Variants in KANK1 observed in about 807,000 individuals in gnomAD.
KANK1 encodes KN motif and ankyrin repeat domain-containing protein 1.
Under a neutral mutation model 106.2 loss-of-function variants are expected in KANK1, and 109 were observed. The observed-to-expected ratio is 1.03, with a 90% CI of 0.88 to 1.20. The LOEUF (loss-of-function observed/expected upper bound fraction) is 1.20. KANK1 is among the 50% of genes most tolerant of loss of function. KANK1 has a pLI of 0.00. For missense variants in KANK1, 2,399 were observed against 1,710.7 expected (o/e 1.40, Z -7.10); for synonymous variants, 873 against 652.2 (o/e 1.34, Z -5.16).
At chr9:606,873 A>T (rs2136021337) in intron 1 of KANK1, among the ~76,000 whole-genome samples, 1 of 151,752 alleles carries the variant, frequency 6.6e-6, no homozygotes, top group South Asian at 2.1e-4. Flanking sequence ...AGAAAGGAAA[A>T]ACAAAGTCCC....
chr9:734,744 T>C lies in KANK1; in HGVS notation c.3246-4T>C. 1 of 1,591,462 alleles carries C rather than the reference T, an allele frequency of 6.3e-7. No individual in the cohort carries two copies. Among genetic ancestry groups the C allele is most frequent in the East Asian group, 2.2e-5 (1 of 44,804 alleles). On this transcript the variant is annotated splice_region_variant and splice_polypyrimidine_tract_variant and intron_variant, in intron 6 of 11. Coordinates refer to ENST00000382297, the MANE Select transcript of KANK1 (RefSeq NM_015158.5). ...CAATCGTAACTTGTTTTTTCTCCTT[T>C]CAGGTATGAATTAAGTGAAAAGATG...
At chr9:736,756 G>C (rs1224447275) in intron 7 of KANK1, among the ~76,000 whole-genome samples, 2 of 151,944 alleles carry the variant, frequency 1.3e-5, no homozygotes, top group Non-Finnish European at 2.9e-5. Context: ...GAAATTCTTG[G>C]ATTTGTATTC....
chr9:480,597 G>T (rs1192629000), intron 3 of KANK1, among the ~76,000 whole-genome samples: 1 of 152,252 alleles, frequency 6.6e-6, no homozygotes, highest in African/African-American at 2.4e-5. Context: ...AATGCAGTTA[G>T]TATGTAGCAG....
At position 608,030 on chromosome 9, in the gene KANK1, TA is replaced by T. The variant is rs372451124; in HGVS notation, c.-83-68859del. ...CTTTCAGAATTATTATTATTATTAT[TA>T]TTATTTTTTTTTTTTTTGAGACGGA... On this transcript the variant is annotated intron_variant, in intron 1 of 11. Transcript: ENST00000382297. Among the ~76,000 whole-genome samples, 439 of 71,496 alleles carry T rather than the reference TA, an allele frequency of 6.1e-3. 4 individuals are homozygous for T. The highest frequency in any genetic ancestry group is 9.5e-3 in the African/African-American group (173 of 18,240). 46.9% of individuals were successfully genotyped at this position (71,496 alleles called of 152,430 possible). A position where few individuals can be genotyped will look rare whatever the true frequency, so the allele number is the denominator to read the frequency against.
rs1208868520 is a variant in KANK1 at position 599,024 on chromosome 9, T to C, written c.-83-77866T>C. 4.5e-4 allele frequency among the ~76,000 whole-genome samples: 68 copies of C among 149,482 alleles called. 1 individual carries two copies. The highest frequency in any genetic ancestry group is 1.5e-3 in the African/African-American group (62 of 40,500). ...TGATTTGTATTTATTATTATTATTT[T>C]TTTTTTTTTTTGAGACGGAGTTTCG... is the stretch of plus-strand genomic sequence containing the variant. On this transcript the variant is annotated intron_variant, in intron 1 of 11. Coordinates refer to ENST00000382297, the MANE Select transcript of KANK1 (RefSeq NM_015158.5).
chr9:618,907 A>G (rs896488181), intron 1 of KANK1, among the ~76,000 whole-genome samples: 2 of 152,232 alleles, frequency 1.3e-5, no homozygotes, highest in Non-Finnish European at 2.9e-5. Flanking sequence ...AACAGAGAAT[A>G]AAACTTGTCA....
At position 557,188 on chromosome 9, in the gene KANK1, G is replaced by GA. The variant is rs35320012; in HGVS notation, c.-84+52454dup. On this transcript the variant is annotated intron_variant, in intron 1 of 11. Transcript: ENST00000382297. ...ACAGAGCAAGACCATGTCTCAAAAG[G>GA]AAAAAAAAAAAAAAAAAAAATTTAT... is the stretch of plus-strand genomic sequence containing the variant. Among the ~76,000 whole-genome samples the GA allele has an allele frequency of 9.8e-3, 1,108 of 113,488 alleles. 10 individuals are homozygous for GA. Among genetic ancestry groups the GA allele is most frequent in the African/African-American group, 0.026 (775 of 29,294 alleles). 74.5% of individuals were successfully genotyped at this position (113,488 alleles called of 152,430 possible).
At chr9:740,765 G>A in intron 8 of KANK1, 27 bp from the exon 9 acceptor site, 2 of 1,555,792 alleles carry the variant, frequency 1.3e-6, no homozygotes, top group Non-Finnish European at 1.7e-6. Flanking sequence ...TGCTTCCTAA[G>A]AGACTTTTTT....
chr9:582,984 TA>T (rs970756594), intron 1 of KANK1, among the ~76,000 whole-genome samples: 5 of 152,306 alleles, frequency 3.3e-5, no homozygotes, highest in African/African-American at 1.2e-4. Flanking sequence ...TAGCCAAAAA[TA>T]TTTTTTTTGA....
At chr9:709,251 G>A (rs1319920118) in intron 2 of KANK1, among the ~76,000 whole-genome samples, 2 of 152,242 alleles carry the variant, frequency 1.3e-5, no homozygotes, top group African/African-American at 4.8e-5. Flanking sequence ...TAGAGTTGAA[G>A]TCTTTCCTCT....
upstream of KANK1, among the ~76,000 whole-genome samples, chr9:503,562 C>T (rs1279090947): frequency 1.3e-5 from 2 of 152,208 alleles, no homozygotes; most frequent in East Asian, 3.9e-4. Flanking sequence ...CACTTGCACA[C>T]TCACAAAAAA....
chr9:519,498 G>T (rs989102100), intron 1 of KANK1, among the ~76,000 whole-genome samples: 13 of 151,754 alleles, frequency 8.6e-5, no homozygotes, highest in African/African-American at 2.9e-4. Context: ...TTTTCATTAA[G>T]TTCTTTTTTA....
At chr9:699,533 T>C (rs1162580121) in intron 2 of KANK1, among the ~76,000 whole-genome samples, 1 of 152,052 alleles carries the variant, frequency 6.6e-6, no homozygotes, top group African/African-American at 2.4e-5. Context: ...GATAAGATTA[T>C]CTGTGAGAGG....
chr9:710,885 A>T lies in KANK1; in HGVS notation c.119A>T (p.Gln40Leu). ...PYFVETPYGY[Q>L]LDLDFLKYVD... ...TTTGTGGAGACCCCCTATGGTTATC[A>T]ACTAGACTTAGATTTCCTCAAATAT... Residue 40 changes from glutamine to leucine, a missense_variant, in exon 3 of 12, where the codon CAA becomes CTA. By Grantham distance (113) the Gln-to-Leu change is moderately radical (BLOSUM62 -2). Coordinates refer to ENST00000382297, the MANE Select transcript of KANK1 (RefSeq NM_015158.5). 2 of 1,614,138 alleles carry T rather than the reference A, an allele frequency of 1.2e-6. No homozygotes were observed. Among genetic ancestry groups the T allele is most frequent in the South Asian group, 2.2e-5 (2 of 91,082 alleles).
intron 1 of KANK1, among the ~76,000 whole-genome samples, chr9:599,278 A>G (rs1251660401): frequency 1.3e-5 from 2 of 151,560 alleles, no homozygotes; most frequent in Non-Finnish European, 2.9e-5. Context: ...CCAGCCTCCC[A>G]AAGTGCTGGG....
At chr9:740,667 G>T (rs1251294284) in intron 8 of KANK1, 125 bp from the exon 9 acceptor site, 3 of 1,064,656 alleles carry the variant, frequency 2.8e-6, no homozygotes, top group South Asian at 1.6e-5. Flanking sequence ...AGTCACTCTT[G>T]GTCTCCAGCC....
At chr9:732,655 C>T (rs896916268) in intron 6 of KANK1, 38 bp downstream of exon 6, 2 of 1,599,566 alleles carry the variant, frequency 1.3e-6, no homozygotes. Context: ...GCCCCTCCCA[C>T]ATTTAATGTA....
intron 1 of KANK1, among the ~76,000 whole-genome samples, chr9:627,321 T>G (rs923142216): frequency 2.0e-5 from 3 of 152,122 alleles, no homozygotes; most frequent in Non-Finnish European, 1.5e-5. Context: ...CTACCCAGGT[T>G]GGAAATAGAA....
intron 1 of KANK1, among the ~76,000 whole-genome samples, chr9:591,887 G>C (rs1824980984): frequency 6.6e-6 from 1 of 151,664 alleles, no homozygotes. Flanking sequence ...TCAAACTCCT[G>C]ACCTCAGGTG....
Sources: gnomAD v4.1 joint callset for allele counts (sites outside exome capture counted in the v4.1 genomes callset) on GRCh38, gnomAD v4.1.1 for gene constraint, MANE v1.5 for transcripts, NCBI Gene and HGNC (gene_info 2026-07-23, HGNC 2026-07-21) for gene names.